CYP20A1: variants seen among roughly 807,000 people sequenced by gnomAD.
The protein encoded by CYP20A1 is cytochrome P450 family 20 subfamily A member 1.
A neutral mutation model predicts 61.4 loss-of-function variants in CYP20A1; 61 were observed. That is an observed-to-expected ratio of 0.99 (90% CI 0.81 to 1.23). CYP20A1 has a LOEUF of 1.23. Among genes scored for constraint, CYP20A1 ranks in the 50% most tolerant of loss-of-function variants. The pLI is 0.00. For missense variants in CYP20A1, 530 were observed against 542.4 expected (o/e 0.98, Z 0.23); for synonymous variants, 193 against 188.2 (o/e 1.03, Z -0.21).
chr2:203,255,918 G>A (rs1016252449), intron 4 of CYP20A1, among the ~76,000 whole-genome samples: 7 of 152,114 alleles, frequency 4.6e-5, no homozygotes, highest in African/African-American at 1.7e-4. Context: ...CCCCAGGGAC[G>A]CTATCTCTGA....
At chr2:203,243,921 C>T (rs6743062) in intron 1 of CYP20A1, among the ~76,000 whole-genome samples, 139,670 of 152,030 alleles carry the variant, frequency 0.92, 64,519 homozygotes, top group Non-Finnish European at 0.96. Flanking sequence ...AACTCCTGGA[C>T]TCAAATGATC....
intron 8 of CYP20A1, among the ~76,000 whole-genome samples, chr2:203,282,894 C>T (rs1475089716): frequency 6.6e-6 from 1 of 152,122 alleles, no homozygotes; most frequent in African/African-American, 2.4e-5. Flanking sequence ...ATTTAAAACA[C>T]ATTAAGTGGC....
Position 203,299,122 on chromosome 2 carries a change from G to GT in CYP20A1, c.*2215dup, listed in dbSNP as rs1272398977. 5.3e-5 allele frequency among the ~76,000 whole-genome samples: 8 copies of GT among 152,164 alleles called. No homozygotes were observed. Among genetic ancestry groups the GT allele is most frequent in the African/African-American group, 1.9e-4 (8 of 41,526 alleles). The stretch of plus-strand genomic sequence containing the variant: ...TATATAATACTTTACTGATAGCATT[G>GT]TATATTAGTCCAACTTTTTTGGCTA... On this transcript the variant is annotated 3_prime_UTR_variant, in exon 13 of 13. Coordinates refer to ENST00000356079, the MANE Select transcript of CYP20A1 (RefSeq NM_177538.3).
intron 3 of CYP20A1, among the ~76,000 whole-genome samples, chr2:203,250,994 G>A (rs996352244): frequency 6.7e-6 from 1 of 149,162 alleles, no homozygotes; most frequent in Non-Finnish European, 1.5e-5. Context: ...AACCCGGGAG[G>A]CGGAGCTTGC....
intron 1 of CYP20A1, 102 bp downstream of exon 1, chr2:203,239,236 C>G: frequency 2.0e-6 from 2 of 1,005,212 alleles, no homozygotes; most frequent in Non-Finnish European, 3.1e-6. Flanking sequence ...GGGGGCGGGC[C>G]TGAGAGGAGG....
intron 5 of CYP20A1, among the ~76,000 whole-genome samples, chr2:203,267,668 C>A (rs1297343566): frequency 1.3e-5 from 2 of 151,898 alleles, no homozygotes; most frequent in Non-Finnish European, 2.9e-5. Flanking sequence ...GATGGTGAAA[C>A]CCCGTCTCTA....
chr2:203,275,532 C>T (rs796217080), intron 6 of CYP20A1, among the ~76,000 whole-genome samples: 35 of 151,996 alleles, frequency 2.3e-4, no homozygotes, highest in African/African-American at 8.0e-4. Context: ...CTCTGCCTCC[C>T]GGGTTCAAAC....
In CYP20A1 at chr2:203,275,586, C is replaced by G. The variant is rs573176666; in HGVS notation, c.679+2838C>G. On this transcript the variant is annotated intron_variant, in intron 6 of 12. Coordinates refer to ENST00000356079, the MANE Select transcript of CYP20A1 (RefSeq NM_177538.3). Reference sequence around the variant, plus strand: ...TCCCAAGTAGCTGGGATTACAGACGCCTGCCGCCGTGCTCAAATAATTTTT... The same window carrying G: ...TCCCAAGTAGCTGGGATTACAGACGGCTGCCGCCGTGCTCAAATAATTTTT... 1.3e-3 allele frequency among the ~76,000 whole-genome samples: 199 copies of G among 152,136 alleles called. 1 individual carries two copies. Among genetic ancestry groups the G allele is most frequent in the African/African-American group, 4.7e-3 (194 of 41,510 alleles).
At chr2:203,274,866 G>T (rs1341684897) in intron 6 of CYP20A1, among the ~76,000 whole-genome samples, 2 of 152,078 alleles carry the variant, frequency 1.3e-5, no homozygotes, top group Non-Finnish European at 2.9e-5. Context: ...CAGAAATATT[G>T]GTTAAATTAA....
At chr2:203,239,668 C>T (rs1353268524) in intron 1 of CYP20A1, among the ~76,000 whole-genome samples, 1 of 152,180 alleles carries the variant, frequency 6.6e-6, no homozygotes, top group Non-Finnish European at 1.5e-5. Context: ...TTAGGGGCTC[C>T]AGGCAAATGC....
At chr2:203,287,432 G>A (rs971233647) in intron 9 of CYP20A1, among the ~76,000 whole-genome samples, 3 of 152,056 alleles carry the variant, frequency 2.0e-5, no homozygotes, top group Non-Finnish European at 4.4e-5. Context: ...TGGGCTAGGC[G>A]CAGTGACTCA....
chr2:203,246,395 A>G (rs1177258357), intron 2 of CYP20A1, among the ~76,000 whole-genome samples: 1 of 152,200 alleles, frequency 6.6e-6, no homozygotes, highest in Admixed American at 6.5e-5. Context: ...GAAAGAAGGA[A>G]AAGATTGCCA....
chr2:203,241,182 G>T (rs767492028), intron 1 of CYP20A1, among the ~76,000 whole-genome samples: 6 of 152,224 alleles, frequency 3.9e-5, no homozygotes, highest in Non-Finnish European at 8.8e-5. Context: ...TTCCAGGGAA[G>T]ATCAGGGGTT....
rs556129867 is a variant in CYP20A1 at position 203,295,511 on chromosome 2, T to C, written c.1149-963T>C. On this transcript the variant is annotated intron_variant, in intron 11 of 12. Transcript: ENST00000356079. ...CTTACATATTGATAAGGTGGTCTCA[T>C]GTAACAGGTCTTAAATTTATTTAAA... 7.9e-5 allele frequency among the ~76,000 whole-genome samples: 12 copies of C among 152,364 alleles called. No homozygotes were observed. In the South Asian group the frequency reaches 1.0e-3, roughly 13 times the overall value.
At chr2:203,263,177 C>G (rs1252299658) in intron 4 of CYP20A1, among the ~76,000 whole-genome samples, 1 of 148,780 alleles carries the variant, frequency 6.7e-6, no homozygotes, top group African/African-American at 2.5e-5. Context: ...TTAGTAGAGA[C>G]GGGATTTCAC....
At chr2:203,291,771 G>A (rs1057116978) in intron 10 of CYP20A1, among the ~76,000 whole-genome samples, 2 of 151,828 alleles carry the variant, frequency 1.3e-5, no homozygotes, top group Non-Finnish European at 2.9e-5. Flanking sequence ...TTGGTGTGCT[G>A]CACCCATTAA....
At position 203,304,387 on chromosome 2, in the gene CYP20A1, C is replaced by T. The variant is rs1024021116; in HGVS notation, c.*7479C>T. On this transcript the variant is annotated 3_prime_UTR_variant, in exon 13 of 13. Coordinates refer to ENST00000356079, the MANE Select transcript of CYP20A1 (RefSeq NM_177538.3). ...TAATTTTTTGTATTTTTAGTAGAGA[C>T]GGGGTTTCACCATGTTAGCCAGGAT... is the stretch of plus-strand genomic sequence containing the variant. Among the ~76,000 whole-genome samples, 2 of 152,062 alleles carry T rather than the reference C, an allele frequency of 1.3e-5. No homozygotes were observed. Among genetic ancestry groups the T allele is most frequent in the East Asian group, 1.9e-4 (1 of 5,146 alleles).
At chr2:203,294,619 G>A (rs2068693850) in intron 11 of CYP20A1, among the ~76,000 whole-genome samples, 1 of 152,046 alleles carries the variant, frequency 6.6e-6, no homozygotes, top group Admixed American at 6.6e-5. Flanking sequence ...CTAGAATTCA[G>A]TGGCTTAAGA....
intron 5 of CYP20A1, among the ~76,000 whole-genome samples, chr2:203,271,324 G>A (rs562502011): frequency 5.3e-5 from 8 of 151,426 alleles, no homozygotes; most frequent in Non-Finnish European, 1.2e-4. Context: ...TCCTGATCTC[G>A]TGATCCGCCT....
Sources: gnomAD v4.1 joint callset for allele counts (sites outside exome capture counted in the v4.1 genomes callset) on GRCh38, gnomAD v4.1.1 for gene constraint, MANE v1.5 for transcripts, NCBI Gene and HGNC (gene_info 2026-07-23, HGNC 2026-07-21) for gene names.